UBE2K: variants seen among roughly 807,000 people sequenced by gnomAD.
UBE2K encodes ubiquitin-conjugating enzyme E2 K.
Under a neutral mutation model 30.0 loss-of-function variants are expected in UBE2K, and 6 were observed. The observed-to-expected ratio is 0.20, with a 90% CI of 0.11 to 0.39. The LOEUF (loss-of-function observed/expected upper bound fraction) is 0.39. UBE2K is among the 10% of genes least tolerant of loss of function. UBE2K has a pLI of 1.00. For synonymous variants in UBE2K, 86 were observed against 83.7 expected (o/e 1.03, Z -0.15); for missense variants, 61 against 241.6 (o/e 0.25, Z 4.96).
chr4:39,746,662 G>C (rs1338074674), intron 3 of UBE2K, among the ~76,000 whole-genome samples: 1 of 152,066 alleles, frequency 6.6e-6, no homozygotes, highest in Non-Finnish European at 1.5e-5. Flanking sequence ...CCCACAATGT[G>C]GGTCTCATTT....
intron 1 of UBE2K, among the ~76,000 whole-genome samples, chr4:39,709,703 G>A (rs1718568104): frequency 6.6e-6 from 1 of 152,042 alleles, no homozygotes; most frequent in Admixed American, 6.6e-5. Flanking sequence ...AGGAATATAT[G>A]TGGGCTCTGT....
At chr4:39,725,377 CAAAAAAAA>C (rs56021137) in intron 1 of UBE2K, among the ~76,000 whole-genome samples, 2 of 69,276 alleles carry the variant, frequency 2.9e-5, no homozygotes. Flanking sequence ...GACCCTGTCT[CAAAAAAAA>C]AAAAAAAAAA....
intron 1 of UBE2K, among the ~76,000 whole-genome samples, chr4:39,737,033 C>T (rs1179575488): frequency 6.6e-6 from 1 of 152,096 alleles, no homozygotes; most frequent in African/African-American, 2.4e-5. Flanking sequence ...ACCCATGTAT[C>T]GTGGGGGTAT....
rs1712483198 is a variant in UBE2K, at chr4:39,768,298, A to G, written c.300-6536A>G. 2.3e-5 allele frequency among the ~76,000 whole-genome samples: 3 copies of G among 130,278 alleles called. 1 individual carries two copies. The Admixed American group carries it at 2.4e-4, about 10-fold the overall frequency. 85.5% of individuals were successfully genotyped at this position (130,278 alleles called of 152,430 possible). Reference sequence around the variant, plus strand: ...TACCAAAAAAAAAAAAAAAAAAATCAGCCAGGCATGGTAGCAGGCGCCTGT... The same window carrying G: ...TACCAAAAAAAAAAAAAAAAAAATCGGCCAGGCATGGTAGCAGGCGCCTGT... On this transcript the variant is annotated intron_variant, in intron 4 of 6. Transcript: ENST00000261427.
intron 1 of UBE2K, chr4:39,714,550 A>ATATATATATATATTTTTT: frequency 5.6e-5 from 1 of 17,846 alleles, no homozygotes; most frequent in African/African-American, 2.5e-4. Flanking sequence ...ATATATATAT[A>ATATATATATATATTTTTT]TTTTTTTTTT....
rs1431183488 is a variant in UBE2K at position 39,782,045 on chromosome 4, G to A, written c.*3611G>A. 2.5e-6 allele frequency: 1 copy of A among 397,886 alleles called. No homozygotes were observed. The highest frequency in any genetic ancestry group is 4.4e-6 in the Non-Finnish European group (1 of 225,648). The allele number at this position is 397,886 out of a possible 1,614,324, so 24.6% of individuals were successfully genotyped here. ...ATAGATCAAAGATCTTGTGGCATAG[G>A]GGTAGGGGAGTGTTAGTATCTCCCT... On this transcript the variant is annotated 3_prime_UTR_variant, in exon 7 of 7. Transcript: ENST00000261427.
intron 1 of UBE2K, among the ~76,000 whole-genome samples, chr4:39,715,747 T>C (rs1364132804): frequency 2.0e-5 from 3 of 152,196 alleles, no homozygotes; most frequent in African/African-American, 4.8e-5. Flanking sequence ...TTTTAAGAAG[T>C]CTTCTCCTAC....
chr4:39,710,564 C>T (rs1560340837), intron 1 of UBE2K, among the ~76,000 whole-genome samples: 2 of 152,080 alleles, frequency 1.3e-5, no homozygotes, highest in African/African-American at 4.8e-5. Context: ...CTACTGCACC[C>T]TGCCTATCTG....
chr4:39,719,543 G>T lies in UBE2K; in HGVS notation c.64-17877G>T, dbSNP rs75808098. Among the ~76,000 whole-genome samples, 919 of 152,276 alleles carry T rather than the reference G, an allele frequency of 6.0e-3. 11 individuals carry two copies. Among genetic ancestry groups the T allele is most frequent in the African/African-American group, 0.021 (884 of 41,548 alleles). On this transcript the variant is annotated intron_variant, in intron 1 of 6. Coordinates refer to ENST00000261427, the MANE Select transcript of UBE2K (RefSeq NM_005339.5). ...AGTGCTCTTAGGACATAGGTTTAGG[G>T]CAGGCTTCCGTTACTTTTAGCAAAT...
chr4:39,710,708 A>G (rs996335457), intron 1 of UBE2K, among the ~76,000 whole-genome samples: 10 of 152,118 alleles, frequency 6.6e-5, no homozygotes, highest in Admixed American at 3.3e-4. Context: ...GTTTGAAACC[A>G]GGTCTGTGCG....
chr4:39,745,916 A>G (rs302931), intron 3 of UBE2K, 106 bp downstream of exon 3: 624,528 of 790,280 alleles, frequency 0.79, 248,797 homozygotes, highest in African/African-American at 0.93. Flanking sequence ...AGCTTTATGA[A>G]TTGCTTACTG....
At chr4:39,757,019 T>G (rs1217381070) in intron 4 of UBE2K, among the ~76,000 whole-genome samples, 4 of 84,118 alleles carry the variant, frequency 4.8e-5, no homozygotes, top group South Asian at 4.3e-4. Context: ...TTGTTTTTTG[T>G]TTTTTGTTTT....
At chr4:39,747,336 CA>C (rs1433204823) in intron 3 of UBE2K, among the ~76,000 whole-genome samples, 1 of 152,206 alleles carries the variant, frequency 6.6e-6, no homozygotes, top group Non-Finnish European at 1.5e-5. Context: ...ACTTCGTACC[CA>C]TTAAGCAATA....
intron 4 of UBE2K, chr4:39,771,253 A>T: frequency 6.2e-7 from 1 of 1,611,948 alleles, no homozygotes. Flanking sequence ...GTTAAGCAGG[A>T]ACTGGTCCCG....
chr4:39,714,550 A>ATATATATATATATATATATATTTTT, intron 1 of UBE2K: 1 of 17,854 alleles, frequency 5.6e-5, no homozygotes, highest in Non-Finnish European at 8.7e-5. Context: ...ATATATATAT[A>ATATATATATATATATATATATTTTT]TTTTTTTTTT....
intron 3 of UBE2K, among the ~76,000 whole-genome samples, chr4:39,752,337 T>TTC (rs1721309284): frequency 6.2e-5 from 1 of 16,156 alleles, no homozygotes; most frequent in African/African-American, 4.7e-4. Flanking sequence ...TTTTTTTTCT[T>TTC]TTTTTTTTTT....
chr4:39,707,574 C>T lies in UBE2K; in HGVS notation c.63+9184C>T, dbSNP rs534395190. 3.4e-4 allele frequency among the ~76,000 whole-genome samples: 52 copies of T among 150,770 alleles called. 1 individual carries two copies. In the South Asian group the frequency reaches 0.01, roughly 29 times the overall value. ...TTTGAGATGGGGTCTCACTCTGTCG[C>T]CCAGGGGCACAATCATAGCTCATTG... On this transcript the variant is annotated intron_variant, in intron 1 of 6. Coordinates refer to ENST00000261427, the MANE Select transcript of UBE2K (RefSeq NM_005339.5).
At chr4:39,762,185 A>AATAATC (rs34218534) in intron 4 of UBE2K, among the ~76,000 whole-genome samples, 1,015 of 8,054 alleles carry the variant, frequency 0.13, 13 homozygotes, top group African/African-American at 0.38. Flanking sequence ...ATCTCAGTAA[A>AATAATC]ATAATAATAA....
intron 1 of UBE2K, among the ~76,000 whole-genome samples, chr4:39,725,578 C>T (rs1241357354): frequency 1.3e-5 from 2 of 152,038 alleles, no homozygotes; most frequent in Non-Finnish European, 2.9e-5. Context: ...TGATAAAACT[C>T]CAGTTGGTTA....
Sources: gnomAD v4.1 joint callset for allele counts (sites outside exome capture counted in the v4.1 genomes callset) on GRCh38, gnomAD v4.1.1 for gene constraint, MANE v1.5 for transcripts, NCBI Gene and HGNC (gene_info 2026-07-23, HGNC 2026-07-21) for gene names.